The following ELF1 variants were observed in gnomAD, a reference collection of about 807,000 sequenced individuals.
ELF1 encodes the protein E74 like ETS transcription factor 1.
Under a neutral mutation model 59.9 loss-of-function variants are expected in ELF1, and 24 were observed. The observed-to-expected ratio is 0.40, with a 90% CI of 0.29 to 0.56. The LOEUF (loss-of-function observed/expected upper bound fraction) is 0.56. Ranked by LOEUF, ELF1 falls within the 20% of genes least tolerant of loss-of-function variation. The pLI, the probability that ELF1 is intolerant of heterozygous loss-of-function variation, is 0.44. For synonymous variants in ELF1, 248 were observed against 266.2 expected, an observed-to-expected ratio of 0.93 and a Z score of 0.67; for missense variants, 627 against 742.2, an observed-to-expected ratio of 0.84 and a Z score of 1.80.
At chr13:40,950,320 C>A (rs528355552) in intron 4 of ELF1, among the ~76,000 whole-genome samples, 1 of 152,088 alleles carries the variant, frequency 6.6e-6, no homozygotes, top group Non-Finnish European at 1.5e-5. Flanking sequence ...TTCCATAGTT[C>A]ATAGGAAAAA....
At chr13:40,955,071 G>T (rs1871151486) in intron 3 of ELF1, among the ~76,000 whole-genome samples, 1 of 150,244 alleles carries the variant, frequency 6.7e-6, no homozygotes, top group Non-Finnish European at 1.5e-5. Flanking sequence ...CCCTGTCTGG[G>T]ATGTGAGGAG....
At chr13:41,010,513 A>G (rs77153299) in intron 1 of ELF1, among the ~76,000 whole-genome samples, 12,898 of 132,438 alleles carry the variant, frequency 0.097, 718 homozygotes, top group Middle Eastern at 0.17. Context: ...GTGTGTGTGC[A>G]CACTTTCCTT....
intron 1 of ELF1, among the ~76,000 whole-genome samples, chr13:41,035,668 T>C (rs1876344591): frequency 7.2e-6 from 1 of 138,860 alleles, no homozygotes; most frequent in South Asian, 2.2e-4. Context: ...TATACATTAA[T>C]AGGTGAAAAA....
At chr13:41,038,588 C>T (rs998437633) in intron 1 of ELF1, among the ~76,000 whole-genome samples, 1 of 152,148 alleles carries the variant, frequency 6.6e-6, no homozygotes, top group Non-Finnish European at 1.5e-5. Context: ...GTTTGTTCAT[C>T]AAATGGCATT....
At chr13:40,993,161 AGT>A in intron 1 of ELF1, 1 of 1,517,064 alleles carries the variant, frequency 6.6e-7, no homozygotes, top group Non-Finnish European at 9.1e-7. Flanking sequence ...CCATTTTTGT[AGT>A]GTGTGTGGTT....
At chr13:40,987,577 T>C (rs1873621079) in intron 1 of ELF1, among the ~76,000 whole-genome samples, 1 of 84,666 alleles carries the variant, frequency 1.2e-5, no homozygotes. Context: ...AGAGCAAGAC[T>C]CTGTCTCAAA....
intron 3 of ELF1, among the ~76,000 whole-genome samples, chr13:40,958,334 T>C (rs1213987222): frequency 6.6e-6 from 1 of 151,278 alleles, no homozygotes; most frequent in Non-Finnish European, 1.5e-5. Flanking sequence ...GAAAAGAACA[T>C]TCCTCTCTCT....
At chr13:41,018,989 GA>G (rs1342561946) in intron 1 of ELF1, among the ~76,000 whole-genome samples, 1 of 151,836 alleles carries the variant, frequency 6.6e-6, no homozygotes, top group Admixed American at 6.6e-5. Flanking sequence ...AAATTACATA[GA>G]AAAAAAATCA....
chr13:41,036,152 G>A (rs946249528), intron 1 of ELF1, among the ~76,000 whole-genome samples: 5 of 151,736 alleles, frequency 3.3e-5, no homozygotes, highest in East Asian at 3.9e-4. Context: ...TCCTGATCCC[G>A]TGATCCACCC....
At chr13:40,961,744 G>A (rs1046900258) in intron 2 of ELF1, among the ~76,000 whole-genome samples, 2 of 152,034 alleles carry the variant, frequency 1.3e-5, no homozygotes, top group Middle Eastern at 3.2e-3. Flanking sequence ...TCTTCTAAAA[G>A]CTCAATTAAG....
intron 1 of ELF1, among the ~76,000 whole-genome samples, chr13:41,054,058 GA>G (rs1877199355): frequency 6.6e-6 from 1 of 151,978 alleles, no homozygotes. Flanking sequence ...AAAATGGGAT[GA>G]AAAAAATCAG....
At chr13:41,023,501 G>A (rs985830491), upstream of ELF1, among the ~76,000 whole-genome samples, 1 of 152,198 alleles carries the variant, frequency 6.6e-6, no homozygotes, top group Non-Finnish European at 1.5e-5. Context: ...TGAGTGTTAT[G>A]AATCTTTCAA....
chr13:40,938,992 C>G (rs1869966120), intron 8 of ELF1, among the ~76,000 whole-genome samples: 1 of 151,908 alleles, frequency 6.6e-6, no homozygotes, highest in South Asian at 2.1e-4. Flanking sequence ...TACAAAAATG[C>G]AAACAAAAAA....
intron 2 of ELF1, among the ~76,000 whole-genome samples, chr13:40,968,890 TTG>T (rs1280530646): frequency 6.6e-6 from 1 of 152,120 alleles, no homozygotes; most frequent in Admixed American, 6.6e-5. Flanking sequence ...CAGCTAATTT[TTG>T]TGTTTTTTGT....
At chr13:40,996,509 G>A (rs934087291) in intron 1 of ELF1, among the ~76,000 whole-genome samples, 1 of 152,206 alleles carries the variant, frequency 6.6e-6, no homozygotes, top group East Asian at 1.9e-4. Context: ...AAGACATGTG[G>A]AAACTTAAAT....
chr13:41,050,321 A>T (rs1377776967), intron 1 of ELF1, among the ~76,000 whole-genome samples: 1 of 152,170 alleles, frequency 6.6e-6, no homozygotes, highest in Non-Finnish European at 1.5e-5. Context: ...GTTATGTAGC[A>T]TGTTGTCAGA....
chr13:41,014,745 A>G (rs1353115784), intron 1 of ELF1, among the ~76,000 whole-genome samples: 1 of 152,142 alleles, frequency 6.6e-6, no homozygotes, highest in Non-Finnish European at 1.5e-5. Context: ...GGAAGCAATG[A>G]TTATCTTCAA....
chr13:41,016,357 AC>A (rs1421234497), intron 1 of ELF1, among the ~76,000 whole-genome samples: 2 of 152,058 alleles, frequency 1.3e-5, no homozygotes, highest in East Asian at 3.9e-4. Context: ...ATTTCCAACC[AC>A]CCCAATAAAA....
chr13:40,936,938 A>C (rs1291092922), intron 8 of ELF1, among the ~76,000 whole-genome samples: 1 of 152,098 alleles, frequency 6.6e-6, no homozygotes, highest in Admixed American at 6.6e-5. Flanking sequence ...TGGGCTACAG[A>C]GGGAGACTCA....
Sources: gnomAD v4.1 joint callset for allele counts (sites outside exome capture counted in the v4.1 genomes callset) on GRCh38, gnomAD v4.1.1 for gene constraint, MANE v1.5 for transcripts, NCBI Gene and HGNC (gene_info 2026-07-23, HGNC 2026-07-21) for gene names.